The following NRG3 variants were observed in gnomAD, a reference collection of about 807,000 sequenced individuals.
NRG3 encodes the protein neuregulin 3.
Under a neutral mutation model 66.9 loss-of-function variants are expected in NRG3, and 31 were observed. The observed-to-expected ratio is 0.46, with a 90% CI of 0.35 to 0.63. The LOEUF (loss-of-function observed/expected upper bound fraction) is 0.63, where lower values mean the gene tolerates loss of function less well. Among genes scored for constraint, NRG3 ranks in the 20% least tolerant of loss-of-function variants. The pLI, the probability that NRG3 is intolerant of heterozygous loss-of-function variation, is 0.00. For synonymous variants in NRG3, 393 were observed against 359.4 expected, an observed-to-expected ratio of 1.09 and a Z score of -1.06; for missense variants, 910 against 878.9, an observed-to-expected ratio of 1.04 and a Z score of -0.45.
At chr10:82,631,593 T>C (rs897148610) in intron 2 of NRG3, among the ~76,000 whole-genome samples, 1 of 151,832 alleles carries the variant, frequency 6.6e-6, no homozygotes, top group Admixed American at 6.6e-5. Context: ...CCGTGGTTTT[T>C]TTTTTTTTTT....
intron 3 of NRG3, among the ~76,000 whole-genome samples, chr10:82,864,515 G>A (rs1338364809): frequency 6.6e-6 from 1 of 151,984 alleles, no homozygotes. Flanking sequence ...TCTCACTTCA[G>A]ACAAATATTA....
In NRG3 at chr10:82,775,165, G is replaced by A. The variant is rs150506318; in HGVS notation, c.1027+36515G>A. Among the ~76,000 whole-genome samples, 45 of 149,932 alleles carry A rather than the reference G, an allele frequency of 3.0e-4. No individual in the cohort carries two copies. The East Asian group carries it at 7.4e-3, about 25-fold the overall frequency. ...TTCTGATAAATTTGGGTTTAGTTTC[G>A]CTTCTTCACTGGTTCCTAGAGGCAT... On this transcript the variant is annotated intron_variant, in intron 3 of 8. Transcript: ENST00000372141.
intron 2 of NRG3, among the ~76,000 whole-genome samples, chr10:82,634,069 G>A (rs1170707544): frequency 6.6e-6 from 1 of 152,188 alleles, no homozygotes; most frequent in Admixed American, 6.5e-5. Context: ...ACGGGCCCAT[G>A]AGATATTAGC....
chr10:82,910,829 G>A (rs1247100733), intron 4 of NRG3, among the ~76,000 whole-genome samples: 1 of 152,214 alleles, frequency 6.6e-6, no homozygotes, highest in African/African-American at 2.4e-5. Flanking sequence ...GGGTATGGAA[G>A]GGTTTCAAAA....
At chr10:82,677,309 G>T (rs926439737) in intron 2 of NRG3, among the ~76,000 whole-genome samples, 2 of 151,862 alleles carry the variant, frequency 1.3e-5, no homozygotes, top group African/African-American at 4.8e-5. Flanking sequence ...CTAAACTGTT[G>T]GGATTATAGG....
At chr10:82,648,766 C>G (rs2051166336) in intron 2 of NRG3, among the ~76,000 whole-genome samples, 1 of 152,074 alleles carries the variant, frequency 6.6e-6, no homozygotes, top group South Asian at 2.1e-4. Context: ...CTCTTTGAAG[C>G]AATTGTGAAT....
chr10:82,850,713 C>CA (rs5786576), intron 3 of NRG3, among the ~76,000 whole-genome samples: 65,034 of 137,816 alleles, frequency 0.47, 14,753 homozygotes, highest in East Asian at 0.65. Flanking sequence ...TTTTTAAGAG[C>CA]AAAAAAAAAA....
chr10:81,915,138 A>G (rs935697060), intron 1 of NRG3, among the ~76,000 whole-genome samples: 3 of 152,176 alleles, frequency 2.0e-5, no homozygotes, highest in African/African-American at 7.2e-5. Context: ...TATTAAATAT[A>G]TGGTTTTTGT....
chr10:82,272,746 A>G (rs1034351235), intron 1 of NRG3, among the ~76,000 whole-genome samples: 2 of 151,868 alleles, frequency 1.3e-5, no homozygotes, highest in African/African-American at 4.8e-5. Flanking sequence ...TACATTATTT[A>G]TTTCTTTCTC....
chr10:82,494,868 T>C (rs1195274843), intron 2 of NRG3, among the ~76,000 whole-genome samples: 6 of 152,088 alleles, frequency 3.9e-5, no homozygotes, highest in African/African-American at 1.4e-4. Flanking sequence ...ATGTGAGACA[T>C]TGGCAGCTAA....
chr10:82,930,360 T>TA (rs1847445282), intron 4 of NRG3, among the ~76,000 whole-genome samples: 1 of 152,206 alleles, frequency 6.6e-6, no homozygotes, highest in South Asian at 2.1e-4. Context: ...ATTTAATTAA[T>TA]AGAATTTATA....
chr10:82,050,149 G>A (rs1283988800), intron 1 of NRG3, among the ~76,000 whole-genome samples: 3 of 144,616 alleles, frequency 2.1e-5, no homozygotes, highest in East Asian at 4.0e-4. Flanking sequence ...TGTTCAAGGA[G>A]TGGAATATTC....
At chr10:82,824,678 C>A (rs566903) in intron 3 of NRG3, among the ~76,000 whole-genome samples, 59,958 of 150,764 alleles carry the variant, frequency 0.4, 12,220 homozygotes, top group African/African-American at 0.52. Context: ...TTTTTGAGAA[C>A]TGTATATACA....
chr10:81,909,609 A>G (rs950488586), intron 1 of NRG3, among the ~76,000 whole-genome samples: 1 of 152,204 alleles, frequency 6.6e-6, no homozygotes. Context: ...ATGCATCACT[A>G]CAGAGTAACA....
intron 1 of NRG3, among the ~76,000 whole-genome samples, chr10:82,323,959 G>A (rs2081725578): frequency 1.3e-5 from 2 of 152,276 alleles, no homozygotes; most frequent in Admixed American, 1.3e-4. Context: ...CCACCTCGCA[G>A]GTTCAAGCTA....
chr10:82,437,147 A>C (rs567975526), intron 2 of NRG3, among the ~76,000 whole-genome samples: 1 of 151,500 alleles, frequency 6.6e-6, no homozygotes, highest in Non-Finnish European at 1.5e-5. Context: ...GTTTGTTTCC[A>C]TTCTCCCTTC....
chr10:82,118,727 AT>A (rs147559668), intron 1 of NRG3, among the ~76,000 whole-genome samples: 4 of 151,386 alleles, frequency 2.6e-5, no homozygotes, highest in Admixed American at 6.6e-5. Context: ...ATAGTAAATG[AT>A]TTTTTTTTCT....
At chr10:82,531,576 A>T (rs1590522304) in intron 2 of NRG3, among the ~76,000 whole-genome samples, 1 of 151,876 alleles carries the variant, frequency 6.6e-6, no homozygotes, top group Non-Finnish European at 1.5e-5. Flanking sequence ...AATGTGATAC[A>T]TTATTTTTGA....
intron 2 of NRG3, among the ~76,000 whole-genome samples, chr10:82,605,170 A>T (rs989724571): frequency 6.6e-6 from 1 of 152,034 alleles, no homozygotes; most frequent in Non-Finnish European, 1.5e-5. Flanking sequence ...GTTGTTAGCT[A>T]TAGGATTTTT....
Sources: allele counts gnomAD v4.1 joint callset (sites outside exome capture counted in the v4.1 genomes callset), GRCh38; gene constraint gnomAD v4.1.1; transcripts MANE v1.5; gene names NCBI Gene and HGNC (gene_info 2026-07-23, HGNC 2026-07-21).